Variants in VPS54 observed in about 807,000 individuals in gnomAD.
VPS54 encodes vacuolar protein sorting-associated protein 54.
Under a neutral mutation model 121.5 loss-of-function variants are expected in VPS54, and 45 were observed. The ratio of observed to expected loss-of-function variants is 0.37; its 90% CI spans 0.29 to 0.47. The LOEUF is 0.47. VPS54 is among the 20% of genes least tolerant of loss of function. The pLI is 0.99. For synonymous variants in VPS54, 371 were observed against 385.8 expected (o/e 0.96, Z 0.45); for missense variants, 1,090 against 1,131.4 (o/e 0.96, Z 0.52).
rs1450899316 is a variant in VPS54, at chr2:63,914,512, T to C, written c.2229-225A>G. Among the ~76,000 whole-genome samples, 4 of 152,216 alleles carry C rather than the reference T, an allele frequency of 2.6e-5. No homozygotes were observed. The East Asian group carries it at 7.7e-4, about 29-fold the overall frequency. On this transcript the variant is annotated intron_variant, in intron 16 of 22. Coordinates refer to ENST00000272322, the MANE Select transcript of VPS54 (RefSeq NM_016516.3). ...GCAAAATTTAAAGAGGCTCTTACTC[T>C]GTGCAATTGCAGGATCAGCTTGCAC...
intron 12 of VPS54, among the ~76,000 whole-genome samples, chr2:63,928,804 G>A (rs1446271191): frequency 6.9e-6 from 1 of 144,040 alleles, no homozygotes; most frequent in Non-Finnish European, 1.5e-5. Flanking sequence ...AAAATAAAGG[G>A]ATGGAGGAAG....
At chr2:63,988,602 G>A (rs566100919) in intron 1 of VPS54, among the ~76,000 whole-genome samples, 7 of 152,154 alleles carry the variant, frequency 4.6e-5, no homozygotes, top group African/African-American at 1.2e-4. Flanking sequence ...AACATAAATC[G>A]TGAAGATTTC....
At chr2:63,941,868 T>C (rs996493800) in intron 11 of VPS54, among the ~76,000 whole-genome samples, 1 of 151,834 alleles carries the variant, frequency 6.6e-6, no homozygotes, top group Non-Finnish European at 1.5e-5. Context: ...ACCCCATCTC[T>C]ACTAAACATG....
chr2:63,895,616 T>C (rs1672414543), intron 22 of VPS54, among the ~76,000 whole-genome samples: 1 of 152,260 alleles, frequency 6.6e-6, no homozygotes, highest in Non-Finnish European at 1.5e-5. Flanking sequence ...TTGTTCACTT[T>C]AAAATAGTTA....
In VPS54 at chr2:63,920,433, A is replaced by G. The variant is rs781094741; in HGVS notation, c.2051+13T>C. On this transcript the variant is annotated intron_variant, in intron 14 of 22. Transcript: ENST00000272322. ...GAAAAAATCAAACAACAGAATGGAC[A>G]TGGTGATGATACCTGAGCTTGGTTT... is the stretch of plus-strand genomic sequence containing the variant. 9.4e-6 allele frequency: 14 copies of G among 1,486,836 alleles called. No individual in the cohort carries two copies. The Admixed American group carries it at 3.3e-4, about 35-fold the overall frequency. 92.1% of individuals were successfully genotyped at this position (1,486,836 alleles called of 1,614,324 possible).
At chr2:64,010,133 C>T (rs1267847441) in intron 1 of VPS54, among the ~76,000 whole-genome samples, 1 of 152,114 alleles carries the variant, frequency 6.6e-6, no homozygotes, top group Non-Finnish European at 1.5e-5. Flanking sequence ...TGAGCCACCG[C>T]GCCTGGCCCC....
intron 20 of VPS54, among the ~76,000 whole-genome samples, chr2:63,907,176 T>C (rs1413647843): frequency 2.0e-5 from 3 of 151,892 alleles, no homozygotes; most frequent in African/African-American, 7.3e-5. Context: ...CCTAAAACAA[T>C]AACATTCTAG....
chr2:63,924,084 A>C (rs1673779306), intron 12 of VPS54, among the ~76,000 whole-genome samples: 1 of 152,226 alleles, frequency 6.6e-6, no homozygotes, highest in African/African-American at 2.4e-5. Context: ...GGAAAGCCAG[A>C]GAAGGTTCAA....
chr2:63,923,769 A>C (rs1432595923), intron 12 of VPS54, among the ~76,000 whole-genome samples: 1 of 152,234 alleles, frequency 6.6e-6, no homozygotes, highest in Non-Finnish European at 1.5e-5. Context: ...GCATTGCAAT[A>C]AACTTACAAA....
intron 1 of VPS54, among the ~76,000 whole-genome samples, chr2:64,014,424 A>G (rs1480810509): frequency 1.3e-5 from 2 of 152,234 alleles, no homozygotes; most frequent in African/African-American, 4.8e-5. Flanking sequence ...AGTTAATTTC[A>G]CCATTATAAT....
chr2:63,948,413 G>GT (rs1675087807), intron 8 of VPS54, among the ~76,000 whole-genome samples: 3 of 121,100 alleles, frequency 2.5e-5, no homozygotes, highest in Non-Finnish European at 4.9e-5. Flanking sequence ...TCACTTTTTC[G>GT]GTTTTTTTTT....
intron 2 of VPS54, among the ~76,000 whole-genome samples, chr2:63,982,367 C>T (rs1342203214): frequency 2.0e-5 from 3 of 152,040 alleles, no homozygotes; most frequent in South Asian, 2.1e-4. Context: ...GTGGCATTAA[C>T]CATACAAGAA....
chr2:64,013,559 G>GATATAT (rs1046867509), intron 1 of VPS54, among the ~76,000 whole-genome samples: 1 of 142,620 alleles, frequency 7.0e-6, no homozygotes, highest in Non-Finnish European at 1.5e-5. Context: ...ATATATATAT[G>GATATAT]ATATATATAT....
In VPS54 at chr2:63,944,652, C is replaced by T; in HGVS notation, c.1249G>A (p.Val417Met). ...TCTGTTTGTGAAACTTTATTAATCA[C>T]ACACTGCAAAATTTAAGAAAAAACA... ...ITAKNIIKQCVINKVSQTEEI... is the reference protein window; with the variant it reads ...ITAKNIIKQCMINKVSQTEEI... The change falls in exon 10 of 23, where the codon GTG (valine) becomes ATG (methionine). Residue 417 changes from valine (V) to methionine (M), a missense_variant. Physicochemically the swap from Val to Met is conservative, Grantham distance 21. This residue lies in a region of VPS54 where 801 missense variants were observed against 757.0 expected (regional missense o/e 1.06). Transcript: ENST00000272322. 5 of 1,607,994 alleles carry T rather than the reference C, an allele frequency of 3.1e-6. No individual in the cohort carries two copies. Among genetic ancestry groups the T allele is most frequent in the South Asian group, 1.1e-5 (1 of 90,096 alleles).
rs772991370 is a variant in VPS54 at position 63,893,557 on chromosome 2, A to T, written c.2829-22T>A. ...CAACCTAAATAATGGAGAGAAAATT[A>T]TTTTTTAAATCTCAAACTTTCTATT... On this transcript the variant is annotated intron_variant, in intron 22 of 22. Transcript: ENST00000272322. The T allele has an allele frequency of 3.1e-6, 5 of 1,589,418 alleles. No homozygotes were observed. The Admixed American group carries it at 8.7e-5, about 28-fold the overall frequency.
intron 1 of VPS54, among the ~76,000 whole-genome samples, chr2:63,987,737 T>TTTTTCACTGTAGAGAGC (rs1677121759): frequency 1.3e-5 from 2 of 152,310 alleles, no homozygotes; most frequent in East Asian, 3.9e-4. Flanking sequence ...CTGTAGAGAC[T>TTTTTCACTGTAGAGAGC]TTTCACTTTT....
At position 63,944,508 on chromosome 2, in the gene VPS54, A is replaced by C; in HGVS notation, c.1301+92T>G. 2.4e-6 allele frequency: 3 copies of C among 1,270,376 alleles called. No individual in the cohort carries two copies. The South Asian group carries it at 3.8e-5, about 16-fold the overall frequency. 78.7% of individuals were successfully genotyped at this position (1,270,376 alleles called of 1,614,324 possible). On this transcript the variant is annotated intron_variant, in intron 10 of 22. Coordinates refer to ENST00000272322, the MANE Select transcript of VPS54 (RefSeq NM_016516.3). ...CACCCTGCTCACACCTTAGTAAATA[A>C]TTCCTTAACGAAATCTACTTCGAAT...
Position 63,962,089 on chromosome 2 carries a change from G to C in VPS54, c.979C>G (p.Gln327Glu), listed in dbSNP as rs769517993. 41 of 1,589,340 alleles carry C rather than the reference G, an allele frequency of 2.6e-5. No individual in the cohort carries two copies. Among genetic ancestry groups the C allele is most frequent in the Non-Finnish European group, 3.4e-5 (40 of 1,160,972 alleles). ...CTGTGAATGCCCTGAAGTTCCTGCT[G>C]TAGAACCTCTTGTGTTGTTGCTATT... ...DLIATTQEVL[Q>E]QELQGIHSFR... The change falls in exon 7 of 23, where the codon CAG becomes GAG. Residue 327 changes from glutamine to glutamate, a missense_variant. By Grantham distance (29) the Gln-to-Glu change is conservative. Coordinates refer to ENST00000272322, the MANE Select transcript of VPS54 (RefSeq NM_016516.3).
intron 1 of VPS54, among the ~76,000 whole-genome samples, chr2:63,987,246 G>C (rs926505332): frequency 1.3e-5 from 2 of 152,082 alleles, no homozygotes; most frequent in African/African-American, 4.8e-5. Flanking sequence ...TGTATATGGC[G>C]AAATAGGGTC....
Sources: gnomAD v4.1 joint callset for allele counts (sites outside exome capture counted in the v4.1 genomes callset) on GRCh38, gnomAD v4.1.1 for gene constraint, gnomAD v4.1.1 regional missense constraint, MANE v1.5 for transcripts, NCBI Gene and HGNC (gene_info 2026-07-23, HGNC 2026-07-21) for gene names.